The following KLRG1 variants were observed in gnomAD, a reference collection of about 807,000 sequenced individuals.
The protein encoded by KLRG1 is killer cell lectin like receptor G1.
KLRG1 carries 16 observed loss-of-function variants against 21.8 expected under a neutral mutation model. The observed-to-expected ratio is 0.73, with a 90% CI of 0.50 to 1.11. The LOEUF (loss-of-function observed/expected upper bound fraction) is 1.11, where lower values mean the gene tolerates loss of function less well. Ranked by LOEUF, KLRG1 falls within the 50% of genes most tolerant of loss-of-function variation. The probability of loss-of-function intolerance (pLI) is 0.00; values close to 1 mark genes in which losing one functional copy is unlikely to be tolerated. For missense variants in KLRG1, 173 were observed against 218.3 expected, an observed-to-expected ratio of 0.79 and a Z score of 1.31; for synonymous variants, 69 against 75.9, an observed-to-expected ratio of 0.91 and a Z score of 0.47.
At chr12:8,956,768 G>A (rs1479959142) in intron 1 of KLRG1, among the ~76,000 whole-genome samples, 3 of 152,216 alleles carry the variant, frequency 2.0e-5, no homozygotes, top group African/African-American at 7.2e-5. Context: ...GCAGTTGCTG[G>A]TGTCTTTTGA....
chr12:9,168,967 C>T, the KLRG1 span: 1 of 1,611,862 alleles, frequency 6.2e-7, no homozygotes, highest in Non-Finnish European at 8.5e-7. Flanking sequence ...CACCTTCAAT[C>T]CCATCCCCTG....
chr12:9,113,226 A>C, the KLRG1 span: 1 of 853,086 alleles, frequency 1.2e-6, no homozygotes, highest in Non-Finnish European at 1.8e-6. Flanking sequence ...CTTAATTTCT[A>C]TACTTAGTTT....
chr12:9,082,959 G>A, the KLRG1 span, among the ~76,000 whole-genome samples: 1 of 152,172 alleles, frequency 6.6e-6, no homozygotes, highest in Non-Finnish European at 1.5e-5. Context: ...TGGGTCAAAT[G>A]TATTTCTAGT....
the KLRG1 span, among the ~76,000 whole-genome samples, chr12:9,173,612 A>G: frequency 1.3e-5 from 2 of 152,286 alleles, no homozygotes; most frequent in South Asian, 2.1e-4. Context: ...AAAGAAAAGA[A>G]TCAAGTAGAC....
chr12:9,050,410 A>G, the KLRG1 span, among the ~76,000 whole-genome samples: 2 of 152,204 alleles, frequency 1.3e-5, no homozygotes, highest in African/African-American at 4.8e-5. Flanking sequence ...GCTGCTTGCT[A>G]TCATGCCCCA....
At chr12:8,969,667 T>C (rs951843708) in intron 1 of KLRG1, among the ~76,000 whole-genome samples, 1 of 151,290 alleles carries the variant, frequency 6.6e-6, no homozygotes, top group Admixed American at 6.6e-5. Context: ...GAATAGAAAA[T>C]AGAAAAACAA....
At chr12:9,006,058 G>T (rs774677634) in intron 3 of KLRG1, among the ~76,000 whole-genome samples, 3 of 152,166 alleles carry the variant, frequency 2.0e-5, no homozygotes, top group Non-Finnish European at 4.4e-5. Flanking sequence ...ACCATTTATT[G>T]TATATTTTCA....
At chr12:9,157,122 T>C in the KLRG1 span, 6 of 1,547,094 alleles carry the variant, frequency 3.9e-6, no homozygotes, top group Non-Finnish European at 5.3e-6. Flanking sequence ...GCTGTTCCCC[T>C]CCCTGTGTCT....
the KLRG1 span, chr12:9,028,925 C>T: frequency 1.6e-6 from 1 of 634,490 alleles, no homozygotes; most frequent in Admixed American, 1.8e-5. Flanking sequence ...AACCCAAAGC[C>T]CCTGCAACCT....
At chr12:9,065,794 T>A in the KLRG1 span, 4 of 152,206 alleles carry the variant, frequency 2.6e-5, no homozygotes, top group Non-Finnish European at 5.9e-5. Context: ...CAGCATGCAT[T>A]TCCTCCCTCT....
the KLRG1 span, chr12:9,027,819 AC>A: frequency 8.4e-7 from 1 of 1,184,018 alleles, no homozygotes; most frequent in Non-Finnish European, 1.2e-6. Flanking sequence ...AGCCACCATG[AC>A]CATGAAGTTT....
chr12:9,201,318 G>C, the KLRG1 span: 1 of 1,535,908 alleles, frequency 6.5e-7, no homozygotes, highest in Non-Finnish European at 9.0e-7. Flanking sequence ...TACTTTTTCT[G>C]ATACTTACCT....
the KLRG1 span, among the ~76,000 whole-genome samples, chr12:9,160,649 T>C: frequency 2.6e-5 from 4 of 152,338 alleles, no homozygotes; most frequent in African/African-American, 7.2e-5. Flanking sequence ...GAATAGCAGC[T>C]ATCGCCTGTA....
chr12:9,072,275 T>A, the KLRG1 span: 1 of 1,481,300 alleles, frequency 6.8e-7, no homozygotes, highest in Non-Finnish European at 9.2e-7. Context: ...TATCTACTGT[T>A]GCACTGCTTT....
chr12:9,168,814 G>A, the KLRG1 span: 6 of 1,320,416 alleles, frequency 4.5e-6, no homozygotes, highest in African/African-American at 4.4e-5. Context: ...TAGCATTTTG[G>A]GCATAGTAAT....
chr12:9,150,813 T>C, the KLRG1 span: 1 of 981,692 alleles, frequency 1.0e-6, no homozygotes, highest in East Asian at 2.4e-5. Flanking sequence ...GAGCAAAACA[T>C]ATTCTTATTG....
At chr12:8,982,020 G>C (rs1439312856) in intron 1 of KLRG1, among the ~76,000 whole-genome samples, 1 of 152,058 alleles carries the variant, frequency 6.6e-6, no homozygotes, top group Admixed American at 6.5e-5. Flanking sequence ...TCTTATATTA[G>C]TATGACCACT....
At chr12:9,157,663 C>A in the KLRG1 span, 1 of 1,049,478 alleles carries the variant, frequency 9.5e-7, no homozygotes, top group South Asian at 1.5e-5. Context: ...AATCCCTCAT[C>A]ATTGAACCAA....
chr12:9,004,118 G>A lies in KLRG1; in HGVS notation c.358-4857G>A, dbSNP rs201222181. Among the ~76,000 whole-genome samples, 173 of 152,146 alleles carry A rather than the reference G, an allele frequency of 1.1e-3. 3 individuals carry two copies. The East Asian group carries it at 0.032, about 28-fold the overall frequency. On this transcript the variant is annotated intron_variant, in intron 3 of 4. Transcript: ENST00000356986. ...CAGTCTATCATTGTTGGACATTTGG[G>A]TTGGTTCCAAGTCTTTGCTATTGTG... is the stretch of plus-strand genomic sequence containing the variant.
Sources: gnomAD v4.1 joint callset for allele counts (sites outside exome capture counted in the v4.1 genomes callset) on GRCh38, gnomAD v4.1.1 for gene constraint, MANE v1.5 for transcripts, NCBI Gene and HGNC (gene_info 2026-07-23, HGNC 2026-07-21) for gene names.